The following CRYL1 variants were observed in gnomAD, a reference collection of about 807,000 sequenced individuals.
CRYL1 encodes crystallin lambda 1.
In CRYL1, 29 loss-of-function variants were observed where a neutral mutation model predicts 36.6. The observed-to-expected ratio is 0.79, with a 90% CI of 0.59 to 1.08. The LOEUF (loss-of-function observed/expected upper bound fraction) is 1.08. Among genes scored for constraint, CRYL1 ranks in the 50% least tolerant of loss-of-function variants. The pLI, the probability that CRYL1 is intolerant of heterozygous loss-of-function variation, is 0.00. For synonymous variants in CRYL1, 152 were observed against 151.5 expected, an observed-to-expected ratio of 1.00 and a Z score of -0.02; for missense variants, 411 against 407.9, an observed-to-expected ratio of 1.01 and a Z score of -0.06.
chr13:20,493,002 G>T (rs745960034), intron 2 of CRYL1, among the ~76,000 whole-genome samples: 3 of 152,136 alleles, frequency 2.0e-5, no homozygotes, highest in Non-Finnish European at 4.4e-5. Flanking sequence ...CTCCATTTAG[G>T]GGATCCAAGT....
At chr13:20,498,938 C>G (rs1048952813) in intron 2 of CRYL1, among the ~76,000 whole-genome samples, 12 of 152,214 alleles carry the variant, frequency 7.9e-5, no homozygotes, top group African/African-American at 2.4e-4. Flanking sequence ...GACTTCCCAA[C>G]AGCAAAATAT....
intron 3 of CRYL1, among the ~76,000 whole-genome samples, chr13:20,456,239 C>T (rs563571266): frequency 6.6e-6 from 1 of 151,860 alleles, no homozygotes; most frequent in Non-Finnish European, 1.5e-5. Flanking sequence ...TTTGAGAGGC[C>T]GAGGCGGGCG....
At position 20,478,820 on chromosome 13, in the gene CRYL1, T is replaced by C. The variant is rs541469162; in HGVS notation, c.276+10550A>G. On this transcript the variant is annotated intron_variant, in intron 3 of 7. Coordinates refer to ENST00000298248, the MANE Select transcript of CRYL1 (RefSeq NM_015974.3). ...CAGGCTGGAGTGCAGTGGCGCGATC[T>C]TGGCTTGCTGCAACCTCCGCCTCCC... Among the ~76,000 whole-genome samples the C allele has an allele frequency of 3.3e-5, 5 of 152,304 alleles. No homozygotes were observed. In the East Asian group the frequency reaches 5.8e-4, roughly 18 times the overall value.
intron 3 of CRYL1, among the ~76,000 whole-genome samples, chr13:20,486,151 C>T (rs1015208685): frequency 2.0e-5 from 3 of 152,110 alleles, no homozygotes; most frequent in African/African-American, 7.2e-5. Flanking sequence ...AACTCCTGAG[C>T]TCGAGCAATC....
At chr13:20,443,398 T>C (rs1397390678) in intron 3 of CRYL1, among the ~76,000 whole-genome samples, 2 of 152,226 alleles carry the variant, frequency 1.3e-5, no homozygotes, top group African/African-American at 2.4e-5. Context: ...TTTTATTTTT[T>C]GTTTTTATTT....
At chr13:20,502,837 C>A (rs560817372) in intron 2 of CRYL1, among the ~76,000 whole-genome samples, 2 of 152,278 alleles carry the variant, frequency 1.3e-5, no homozygotes, top group South Asian at 4.1e-4. Context: ...TTCCTGTTCA[C>A]CTTGTTGGAA....
intron 3 of CRYL1, 48 bp downstream of exon 3, chr13:20,489,322 G>GACCCCC: frequency 6.2e-7 from 1 of 1,607,520 alleles, no homozygotes; most frequent in Non-Finnish European, 8.5e-7. Context: ...GAGGCTGGGA[G>GACCCCC]ACAATGTCTC....
At chr13:20,520,090 T>C (rs573783152) in intron 1 of CRYL1, among the ~76,000 whole-genome samples, 2 of 152,074 alleles carry the variant, frequency 1.3e-5, no homozygotes, top group African/African-American at 2.4e-5. Context: ...ATTGTTGAAG[T>C]TGAGGGGGTG....
chr13:20,524,297 G>GTA (rs555695106), intron 1 of CRYL1, among the ~76,000 whole-genome samples: 45 of 152,168 alleles, frequency 3.0e-4, no homozygotes, highest in African/African-American at 8.7e-4. Context: ...ATGTGTGAGT[G>GTA]TATATATATA....
At chr13:20,498,246 C>A (rs2033647098) in intron 2 of CRYL1, among the ~76,000 whole-genome samples, 1 of 149,954 alleles carries the variant, frequency 6.7e-6, no homozygotes, top group African/African-American at 2.5e-5. Flanking sequence ...ACATGCCACC[C>A]TACACACTAC....
chr13:20,472,767 CG>C (rs1179924379), intron 3 of CRYL1, among the ~76,000 whole-genome samples: 1 of 152,178 alleles, frequency 6.6e-6, no homozygotes, highest in African/African-American at 2.4e-5. Context: ...TCGCTCTGCT[CG>C]AACACCTTCT....
chr13:20,421,880 A>G (rs1448070050), intron 5 of CRYL1, among the ~76,000 whole-genome samples: 2 of 152,060 alleles, frequency 1.3e-5, no homozygotes, highest in Non-Finnish European at 2.9e-5. Flanking sequence ...TATGTGGTTG[A>G]TGTTATTTAT....
intron 3 of CRYL1, among the ~76,000 whole-genome samples, chr13:20,474,252 A>C (rs1283015195): frequency 2.0e-5 from 3 of 152,180 alleles, no homozygotes; most frequent in African/African-American, 7.2e-5. Flanking sequence ...GTGGCCTTTA[A>C]AGGGCTCACT....
At chr13:20,450,447 G>C (rs1020339490) in intron 3 of CRYL1, among the ~76,000 whole-genome samples, 5 of 151,922 alleles carry the variant, frequency 3.3e-5, no homozygotes. Flanking sequence ...ACTCAAGATA[G>C]ACTAAAGATT....
intron 1 of CRYL1, among the ~76,000 whole-genome samples, chr13:20,517,550 G>A (rs1462563312): frequency 2.7e-5 from 4 of 147,384 alleles, no homozygotes; most frequent in Admixed American, 6.8e-5. Flanking sequence ...AGCTGAGATC[G>A]CACCACTGCA....
intron 2 of CRYL1, among the ~76,000 whole-genome samples, chr13:20,503,991 G>C (rs76833062): frequency 6.6e-6 from 1 of 152,170 alleles, no homozygotes; most frequent in East Asian, 1.9e-4. Flanking sequence ...GGAGCTGGGT[G>C]CCAGGGTGAC....
At chr13:20,520,379 A>C (rs1266044713) in intron 1 of CRYL1, among the ~76,000 whole-genome samples, 1 of 152,138 alleles carries the variant, frequency 6.6e-6, no homozygotes, top group African/African-American at 2.4e-5. Flanking sequence ...GGGAGGGAGC[A>C]TGGTGCTTTG....
Position 20,512,489 on chromosome 13 carries a change from A to G in CRYL1, c.103T>C (p.Tyr35His). 1 of 1,614,184 alleles carries G rather than the reference A, an allele frequency of 6.2e-7. No homozygotes were observed. Among genetic ancestry groups the G allele is most frequent in the South Asian group, 1.1e-5 (1 of 91,064 alleles). Residue 35 changes from tyrosine to histidine, a missense_variant, in exon 2 of 8, where the codon TAT becomes CAT. Coordinates refer to ENST00000298248, the MANE Select transcript of CRYL1 (RefSeq NM_015974.3). ...FASGGFQVKL[Y>H]DIEQQQIRNA... ...CTTATCTGCTGTTGCTCAATGTCAT[A>G]GAGTTTCACCTGGAAGCCTCCACTG...
intron 1 of CRYL1, among the ~76,000 whole-genome samples, chr13:20,524,995 A>T (rs1003851161): frequency 6.9e-6 from 1 of 145,636 alleles, no homozygotes; most frequent in African/African-American, 2.5e-5. Context: ...AGGTACATAC[A>T]AATGCCCCTT....
Sources: gnomAD v4.1 joint callset for allele counts (sites outside exome capture counted in the v4.1 genomes callset) on GRCh38, gnomAD v4.1.1 for gene constraint, MANE v1.5 for transcripts, NCBI Gene and HGNC (gene_info 2026-07-23, HGNC 2026-07-21) for gene names.